The following ZC4H2 variants were observed in gnomAD, a reference collection of about 807,000 sequenced individuals.
The protein encoded by ZC4H2 is zinc finger C4H2 domain-containing protein.
For missense variants in ZC4H2, 137 were observed against 173.9 expected (o/e 0.79, Z 1.19); for synonymous variants, 84 against 66.3 (o/e 1.27, Z -1.30).
At chrX:65,000,975 G>T (rs1932524141) in intron 1 of ZC4H2, among the ~76,000 whole-genome samples, 1 of 111,659 alleles carries the variant, frequency 9.0e-6, no homozygotes, top group Non-Finnish European at 1.9e-5. Context: ...GTACCTGAAA[G>T]TGATGGGGAA....
intron 1 of ZC4H2, among the ~76,000 whole-genome samples, chrX:64,928,745 CCTT>C (rs1351703050): frequency 1.5e-3 from 138 of 93,581 alleles, no homozygotes; most frequent in Middle Eastern, 6.1e-3. Context: ...TTCTCCTTCT[CCTT>C]CTTCTTCTTT....
intron 1 of ZC4H2, among the ~76,000 whole-genome samples, chrX:64,942,490 C>A (rs1288465135): frequency 9.9e-6 from 1 of 101,107 alleles, no homozygotes; most frequent in Non-Finnish European, 2.0e-5. Context: ...TGCCCCCCCA[C>A]CCCCCAACAG....
At chrX:64,985,323 T>C (rs1286878277) in intron 1 of ZC4H2, among the ~76,000 whole-genome samples, 1 of 112,140 alleles carries the variant, frequency 8.9e-6, no homozygotes, top group Non-Finnish European at 1.9e-5. Context: ...CAACAGTGTA[T>C]GACCGTTCCC....
chrX:64,943,189 G>A (rs1405342877), intron 1 of ZC4H2, among the ~76,000 whole-genome samples: 2 of 111,980 alleles, frequency 1.8e-5, no homozygotes, highest in East Asian at 2.8e-4. Flanking sequence ...TCACACTGTG[G>A]TCAGACAGAC....
intron 1 of ZC4H2, among the ~76,000 whole-genome samples, chrX:65,005,718 T>C (rs1932641978): frequency 9.0e-6 from 1 of 111,509 alleles, no homozygotes; most frequent in Non-Finnish European, 1.9e-5. Flanking sequence ...TGTTATCTAA[T>C]TACACTAAAG....
upstream of ZC4H2, among the ~76,000 whole-genome samples, chrX:64,979,794 T>C (rs766984063): frequency 9.1e-6 from 1 of 109,733 alleles, no homozygotes; most frequent in Non-Finnish European, 1.9e-5. Flanking sequence ...GAAGAACTGA[T>C]TGATTTGAGG....
intron 1 of ZC4H2, among the ~76,000 whole-genome samples, chrX:64,936,290 C>T (rs964855312): frequency 2.7e-5 from 3 of 110,899 alleles, no homozygotes; most frequent in Non-Finnish European, 5.7e-5. Context: ...ACCAAACCTA[C>T]GTTTCATTGG....
chrX:65,008,379 A>G (rs940655698), intron 1 of ZC4H2, among the ~76,000 whole-genome samples: 1 of 112,100 alleles, frequency 8.9e-6, no homozygotes, highest in Non-Finnish European at 1.9e-5. Context: ...GTAAATTAGT[A>G]CAGCCACTAT....
chrX:64,983,670 T>C (rs1409642023), intron 1 of ZC4H2, among the ~76,000 whole-genome samples: 1 of 112,187 alleles, frequency 8.9e-6, no homozygotes, highest in African/African-American at 3.2e-5. Context: ...AAATCATATA[T>C]AGTGTATGTT....
intron 1 of ZC4H2, among the ~76,000 whole-genome samples, chrX:65,025,359 G>C (rs1396553600): frequency 9.1e-6 from 1 of 109,790 alleles, no homozygotes; most frequent in Non-Finnish European, 1.9e-5. Context: ...TGGTGCCCAG[G>C]CTGCAAATCT....
Position 65,002,318 on chromosome X carries a change from C to T in ZC4H2, c.-272+32311G>A, listed in dbSNP as rs989766085. Among the ~76,000 whole-genome samples, 40 of 111,197 alleles carry T rather than the reference C, an allele frequency of 3.6e-4. 1 individual carries two copies. Among genetic ancestry groups the T allele is most frequent in the East Asian group, 8.7e-4 (3 of 3,449 alleles). ...TCACTCAAAACTGCAAAACTGCCCC[C>T]GCCCAGCCAGCCGCCCCGTCCGGGA... On this transcript the variant is annotated intron_variant, in intron 1 of 4. Coordinates refer to the ZC4H2 transcript ENST00000337990.
chrX:64,925,673 C>G (rs892426877), intron 1 of ZC4H2, among the ~76,000 whole-genome samples: 4 of 111,904 alleles, frequency 3.6e-5, no homozygotes, highest in African/African-American at 1.3e-4. Flanking sequence ...TACAGAAACC[C>G]ATGTTATTGG....
Position 64,916,915 on chromosome X carries a change from A to G in ZC4H2, c.*868T>C, listed in dbSNP as rs1188872352. 1.8e-5 allele frequency: 2 copies of G among 112,223 alleles called. No individual in the cohort carries two copies. Among genetic ancestry groups the G allele is most frequent in the Non-Finnish European group, 3.8e-5 (2 of 53,189 alleles). The allele number at this position is 112,223 out of a possible 1,213,427, so 9.2% of individuals were successfully genotyped here. The stretch of plus-strand genomic sequence containing the variant: ...CTCTCCTCCCTGCAATATACCATTG[A>G]GCATGTGCCAGAGTAATGGTTCTGA... On this transcript the variant is annotated 3_prime_UTR_variant, in exon 5 of 5. Transcript: ENST00000374839.
At chrX:65,012,957 T>C (rs1932769976) in intron 1 of ZC4H2, among the ~76,000 whole-genome samples, 1 of 111,481 alleles carries the variant, frequency 9.0e-6, no homozygotes, top group African/African-American at 3.3e-5. Flanking sequence ...GCTCGACAAA[T>C]TTTCCCTTAC....
At chrX:65,016,467 C>G (rs11093854) in intron 1 of ZC4H2, among the ~76,000 whole-genome samples, 15,543 of 111,532 alleles carry the variant, frequency 0.14, 2,597 homozygotes, top group African/African-American at 0.47. Context: ...ACTCTTGTTG[C>G]AACCATGTAG....
At chrX:65,021,838 G>A (rs779365833) in intron 1 of ZC4H2, among the ~76,000 whole-genome samples, 1 of 111,238 alleles carries the variant, frequency 9.0e-6, no homozygotes, top group African/African-American at 3.3e-5. Flanking sequence ...AAATGATAAA[G>A]GGGATATCAC....
intron 1 of ZC4H2, among the ~76,000 whole-genome samples, chrX:64,987,374 A>G (rs183007378): frequency 1.8e-5 from 2 of 110,979 alleles, no homozygotes; most frequent in African/African-American, 3.3e-5. Flanking sequence ...AAGGCTGTGT[A>G]GTATTGGTGG....
At chrX:64,940,106 T>A (rs1255066781) in intron 1 of ZC4H2, among the ~76,000 whole-genome samples, 1 of 112,028 alleles carries the variant, frequency 8.9e-6, no homozygotes, top group African/African-American at 3.2e-5. Context: ...CCATTCTAAC[T>A]GCCATGAGAT....
chrX:64,951,978 T>A (rs1602412367), intron 1 of ZC4H2, among the ~76,000 whole-genome samples: 1 of 111,541 alleles, frequency 9.0e-6, no homozygotes, highest in African/African-American at 3.3e-5. Context: ...GATTTTCGTA[T>A]AAGGTATAAG....
Sources: allele counts gnomAD v4.1 joint callset (sites outside exome capture counted in the v4.1 genomes callset), GRCh38; gene constraint gnomAD v4.1.1; transcripts MANE v1.5; gene names NCBI Gene and HGNC (gene_info 2026-07-23, HGNC 2026-07-21).